SLC35F3: variants seen among roughly 807,000 people sequenced by gnomAD.
The protein encoded by SLC35F3 is solute carrier family 35 member F3.
SLC35F3 carries 25 observed loss-of-function variants against 49.9 expected under a neutral mutation model. The ratio of observed to expected loss-of-function variants is 0.50; its 90% CI spans 0.37 to 0.70. The LOEUF (loss-of-function observed/expected upper bound fraction) is 0.70. Ranked by LOEUF, SLC35F3 falls within the 30% of genes least tolerant of loss-of-function variation. The pLI is 0.00. For missense variants in SLC35F3, 525 were observed against 639.8 expected (o/e 0.82, Z 1.94); for synonymous variants, 275 against 265.4 (o/e 1.04, Z -0.35).
chr1:234,223,291 G>A (rs1488900009), intron 2 of SLC35F3, among the ~76,000 whole-genome samples: 1 of 152,102 alleles, frequency 6.6e-6, no homozygotes, highest in African/African-American at 2.4e-5. Flanking sequence ...ATGATGGGTG[G>A]GAAAAGTGAG....
intron 2 of SLC35F3, among the ~76,000 whole-genome samples, chr1:234,053,967 G>T (rs1664418196): frequency 6.6e-6 from 1 of 152,232 alleles, no homozygotes; most frequent in East Asian, 1.9e-4. Context: ...TTGAATATTG[G>T]CCCCCACTCT....
intron 2 of SLC35F3, among the ~76,000 whole-genome samples, chr1:234,081,938 G>GTTTTTTTTTT (rs1352381288): frequency 3.9e-5 from 1 of 25,518 alleles, no homozygotes; most frequent in Non-Finnish European, 6.4e-5. Flanking sequence ...TTTTTTTTTA[G>GTTTTTTTTTT]TAGAGACAGG....
At position 234,323,321 on chromosome 1, in the gene SLC35F3, A is replaced by T. The variant is rs973221833; in HGVS notation, c.*78A>T. The T allele has an allele frequency of 5.7e-6, 7 of 1,234,230 alleles. No homozygotes were observed. The African/African-American group carries it at 1.1e-4, about 19-fold the overall frequency. 76.5% of individuals were successfully genotyped at this position (1,234,230 alleles called of 1,614,324 possible). A position where few individuals can be genotyped will look rare whatever the true frequency, so the allele number is the denominator to read the frequency against. On this transcript the variant is annotated 3_prime_UTR_variant, in exon 8 of 8. Coordinates refer to ENST00000366618, the MANE Select transcript of SLC35F3 (RefSeq NM_173508.4). The surrounding 1 kb of genome is among the most constrained non-coding windows in gnomAD (Gnocchi z 4.5). The stretch of plus-strand genomic sequence containing the variant: ...GAGGAACCTCAGTTGGGTAAGGTGT[A>T]CATACCTGTACAGTTTTGGTCATCT...
At chr1:234,265,001 C>T (rs1276862587) in intron 3 of SLC35F3, among the ~76,000 whole-genome samples, 1 of 152,130 alleles carries the variant, frequency 6.6e-6, no homozygotes, top group Non-Finnish European at 1.5e-5. Context: ...CTGAACAGTC[C>T]AGGGCCCCAC....
chr1:234,132,699 T>A (rs938510103), intron 2 of SLC35F3, among the ~76,000 whole-genome samples: 3 of 152,268 alleles, frequency 2.0e-5, no homozygotes, highest in African/African-American at 7.2e-5. Flanking sequence ...GTTAATTTTT[T>A]ATTGTTGAAA....
intron 2 of SLC35F3, among the ~76,000 whole-genome samples, chr1:234,147,493 T>A (rs761129142): frequency 6.6e-6 from 1 of 152,200 alleles, no homozygotes; most frequent in Non-Finnish European, 1.5e-5. Flanking sequence ...TGTTGTAATA[T>A]CTCTGCTTTG....
At chr1:234,032,534 A>G (rs1465860521) in intron 2 of SLC35F3, among the ~76,000 whole-genome samples, 2 of 152,050 alleles carry the variant, frequency 1.3e-5, no homozygotes, top group Non-Finnish European at 2.9e-5. Flanking sequence ...CCGATCCCCA[A>G]AGTCCCTTGT....
intron 2 of SLC35F3, among the ~76,000 whole-genome samples, chr1:234,033,241 A>C (rs1572026596): frequency 6.6e-6 from 1 of 152,194 alleles, no homozygotes; most frequent in East Asian, 1.9e-4. Context: ...AGTTCTTTGT[A>C]GATTCTGGAT....
chr1:234,037,732 A>G (rs1387173872), intron 2 of SLC35F3, among the ~76,000 whole-genome samples: 1 of 152,200 alleles, frequency 6.6e-6, no homozygotes, highest in East Asian at 1.9e-4. Flanking sequence ...TGAATGTGGC[A>G]TGTAAATTGG....
chr1:233,917,002 G>A (rs934004058), intron 2 of SLC35F3, among the ~76,000 whole-genome samples: 28 of 152,112 alleles, frequency 1.8e-4, no homozygotes, highest in Non-Finnish European at 3.5e-4. Flanking sequence ...AATAATCCAC[G>A]ATCTCTAAAA....
chr1:234,140,001 A>AAATAAAATAAAATAAAATAAAAAAAAT (rs1489476462), intron 2 of SLC35F3, among the ~76,000 whole-genome samples: 1 of 142,218 alleles, frequency 7.0e-6, no homozygotes, highest in African/African-American at 2.5e-5. Flanking sequence ...AAATAAAATA[A>AAATAAAATAAAATAAAATAAAAAAAAT]AGTAAGTGAC....
At chr1:234,168,203 G>A (rs1666346744) in intron 2 of SLC35F3, among the ~76,000 whole-genome samples, 1 of 152,218 alleles carries the variant, frequency 6.6e-6, no homozygotes, top group Admixed American at 6.5e-5. Flanking sequence ...CTGCACCCTA[G>A]GGCTGGAATA....
intron 2 of SLC35F3, among the ~76,000 whole-genome samples, chr1:234,165,786 G>C (rs559196256): frequency 6.6e-6 from 1 of 152,166 alleles, no homozygotes; most frequent in East Asian, 1.9e-4. Context: ...GTGAAGTCTG[G>C]GATTTTAGTG....
chr1:233,958,298 T>G (rs1219991833), intron 2 of SLC35F3, among the ~76,000 whole-genome samples: 1 of 152,224 alleles, frequency 6.6e-6, no homozygotes, highest in Non-Finnish European at 1.5e-5. Flanking sequence ...AACATAGGTT[T>G]TGGTTTAGTT....
chr1:234,149,329 T>C (rs1327843188), intron 2 of SLC35F3, among the ~76,000 whole-genome samples: 1 of 152,216 alleles, frequency 6.6e-6, no homozygotes, highest in Non-Finnish European at 1.5e-5. Context: ...AATTTCTTTC[T>C]TCCCAAAGTC....
At position 233,942,700 on chromosome 1, in the gene SLC35F3, G is replaced by T. The variant is rs535262262; in HGVS notation, c.283+36942G>T. On this transcript the variant is annotated intron_variant, in intron 2 of 7. Transcript: ENST00000366618. ...AGTGTTAGGACTACAGACATGAGCC[G>T]CTGAGCCCAGACAACATCTACCCTT... is the stretch of plus-strand genomic sequence containing the variant. 5.3e-5 allele frequency among the ~76,000 whole-genome samples: 8 copies of T among 152,166 alleles called. No homozygotes were observed. The South Asian group carries it at 1.2e-3, about 24-fold the overall frequency.
intron 2 of SLC35F3, among the ~76,000 whole-genome samples, chr1:233,922,039 T>G (rs2102788095): frequency 6.6e-6 from 1 of 152,336 alleles, no homozygotes; most frequent in South Asian, 2.1e-4. Flanking sequence ...ATCCAGTCTA[T>G]CATTGTTGGA....
chr1:234,107,529 T>C (rs982708183), intron 2 of SLC35F3, among the ~76,000 whole-genome samples: 3 of 152,208 alleles, frequency 2.0e-5, no homozygotes, highest in Non-Finnish European at 4.4e-5. Context: ...ACTTCAGCTA[T>C]TATAGTACCT....
chr1:234,257,489 T>C (rs1197424638), intron 3 of SLC35F3, among the ~76,000 whole-genome samples: 1 of 152,254 alleles, frequency 6.6e-6, no homozygotes, highest in Non-Finnish European at 1.5e-5. Context: ...CAAATTGCCA[T>C]GTATTTGCAC....
Sources: gnomAD v4.1 joint callset for allele counts (sites outside exome capture counted in the v4.1 genomes callset) on GRCh38, gnomAD v4.1.1 for gene constraint, Gnocchi (gnomAD v3.1) non-coding constraint, MANE v1.5 for transcripts, NCBI Gene and HGNC (gene_info 2026-07-23, HGNC 2026-07-21) for gene names.